Variants in PPP2R3A observed in about 807,000 individuals in gnomAD.
PPP2R3A encodes protein phosphatase 2 regulatory subunit B''alpha.
Under a neutral mutation model 106.9 loss-of-function variants are expected in PPP2R3A, and 80 were observed. That is an observed-to-expected ratio of 0.75 (90% CI 0.62 to 0.90). The LOEUF is 0.90. PPP2R3A is among the 40% of genes least tolerant of loss of function. PPP2R3A has a pLI of 0.00. For missense variants in PPP2R3A, 1,386 were observed against 1,350.4 expected (o/e 1.03, Z -0.41); for synonymous variants, 483 against 468.3 (o/e 1.03, Z -0.41).
intron 1 of PPP2R3A, among the ~76,000 whole-genome samples, chr3:135,998,550 C>T (rs1407729378): frequency 2.0e-5 from 3 of 152,072 alleles, no homozygotes; most frequent in African/African-American, 4.8e-5. Context: ...CTAGATTGGC[C>T]CTATGTATCT....
chr3:135,999,897 C>T (rs1032620854), intron 1 of PPP2R3A, among the ~76,000 whole-genome samples: 6 of 152,146 alleles, frequency 3.9e-5, no homozygotes, highest in African/African-American at 1.4e-4. Flanking sequence ...CCTCAGCCTC[C>T]CGAGTAGCTG....
rs145340622 is a variant in PPP2R3A at position 136,002,554 on chromosome 3, A to G, written c.1056A>G (p.Glu352=). Residue 352 remains glutamate, a synonymous_variant, in exon 2 of 14, where the codon GAA becomes GAG. Transcript: ENST00000264977. The stretch of plus-strand genomic sequence containing the variant: ...ACTCTGGACGATTTCAAACTATTGA[A>G]TTGCAAAATGACAAGCCTAATTCTA... The part of the protein sequence containing the change: ...ASDSGRFQTI[E]LQNDKPNSRK... 51 of 1,613,848 alleles carry G rather than the reference A, an allele frequency of 3.2e-5. No homozygotes were observed. Among genetic ancestry groups the G allele is most frequent in the Non-Finnish European group, 4.0e-5 (47 of 1,179,912 alleles).
intron 10 of PPP2R3A, among the ~76,000 whole-genome samples, chr3:136,100,914 G>A (rs568183581): frequency 1.3e-5 from 2 of 152,184 alleles, no homozygotes; most frequent in East Asian, 3.9e-4. Flanking sequence ...TTAGAGGGTA[G>A]AAAAAAGGCA....
chr3:136,052,152 G>A (rs2107867840), intron 5 of PPP2R3A, among the ~76,000 whole-genome samples: 1 of 152,194 alleles, frequency 6.6e-6, no homozygotes, highest in Non-Finnish European at 1.5e-5. Context: ...AAAACATTAG[G>A]TTTTATTACC....
chr3:136,102,870 A>G (rs1271013351), intron 11 of PPP2R3A, among the ~76,000 whole-genome samples: 3 of 151,948 alleles, frequency 2.0e-5, no homozygotes, highest in African/African-American at 7.2e-5. Context: ...ATGAAAGAAG[A>G]TTTTTCCTTA....
chr3:136,055,612 G>A (rs1170118581), intron 5 of PPP2R3A: 2 of 1,387,136 alleles, frequency 1.4e-6, no homozygotes, highest in Non-Finnish European at 2.0e-6. Context: ...GCCAACTGCT[G>A]TATTTAACAC....
chr3:136,061,642 C>T lies in PPP2R3A; in HGVS notation c.2470-8836C>T, dbSNP rs796423621. ...GACTTTCTCAAAAAGCAAGCGAGGC[C>T]GGGCACAGTGGCTCACGCCTGTAAT... On this transcript the variant is annotated intron_variant, in intron 5 of 13. Coordinates refer to ENST00000264977, the MANE Select transcript of PPP2R3A (RefSeq NM_002718.5). 6.4e-4 allele frequency among the ~76,000 whole-genome samples: 96 copies of T among 150,838 alleles called. 1 individual carries two copies. The highest frequency in any genetic ancestry group is 2.3e-3 in the African/African-American group (96 of 41,008).
At chr3:136,097,196 GAAAA>G (rs978564058) in intron 10 of PPP2R3A, among the ~76,000 whole-genome samples, 3 of 133,086 alleles carry the variant, frequency 2.3e-5, no homozygotes, top group East Asian at 2.1e-4. Flanking sequence ...CCTTTGGTAA[GAAAA>G]AAAAAAAAAG....
chr3:136,142,551 A>G (rs976177000), intron 13 of PPP2R3A, among the ~76,000 whole-genome samples: 3 of 152,200 alleles, frequency 2.0e-5, no homozygotes, highest in Non-Finnish European at 4.4e-5. Flanking sequence ...CAACATGCCC[A>G]AAATCACATT....
chr3:136,027,411 G>A (rs1168357741), intron 3 of PPP2R3A, among the ~76,000 whole-genome samples: 3 of 152,094 alleles, frequency 2.0e-5, no homozygotes, highest in African/African-American at 7.2e-5. Context: ...ATTTTTCCTT[G>A]TGCTGAATAG....
chr3:136,046,090 T>G (rs1170268829), intron 4 of PPP2R3A, among the ~76,000 whole-genome samples: 3 of 151,974 alleles, frequency 2.0e-5, no homozygotes, highest in African/African-American at 7.3e-5. Flanking sequence ...GGCAGGAGGA[T>G]CACTTGAGCC....
At chr3:136,052,196 A>G (rs1268991093) in intron 5 of PPP2R3A, among the ~76,000 whole-genome samples, 1 of 151,980 alleles carries the variant, frequency 6.6e-6, no homozygotes, top group Non-Finnish European at 1.5e-5. Flanking sequence ...CACTCTCTCA[A>G]TCCATTCTTG....
intron 1 of PPP2R3A, among the ~76,000 whole-genome samples, chr3:135,989,113 A>C (rs902914618): frequency 6.6e-6 from 1 of 152,044 alleles, no homozygotes; most frequent in East Asian, 1.9e-4. Flanking sequence ...TTTTTTGGAG[A>C]TCCAGTATCT....
intron 6 of PPP2R3A, among the ~76,000 whole-genome samples, chr3:136,077,176 G>T (rs1028456380): frequency 3.3e-5 from 5 of 152,122 alleles, no homozygotes; most frequent in African/African-American, 1.2e-4. Context: ...GCTCAATTCT[G>T]TAGGGTCAGA....
chr3:136,121,188 C>G (rs1367786217), intron 13 of PPP2R3A, among the ~76,000 whole-genome samples: 1 of 152,128 alleles, frequency 6.6e-6, no homozygotes, highest in Non-Finnish European at 1.5e-5. Flanking sequence ...AGATGCCTAT[C>G]AGTGGTGGAC....
intron 3 of PPP2R3A, among the ~76,000 whole-genome samples, chr3:136,040,191 T>C (rs759326872): frequency 2.0e-5 from 3 of 152,216 alleles, no homozygotes; most frequent in African/African-American, 4.8e-5. Flanking sequence ...GAAGGACATA[T>C]ATTACAACTG....
intron 1 of PPP2R3A, among the ~76,000 whole-genome samples, chr3:135,998,124 A>G (rs9873015): frequency 0.016 from 2,363 of 152,290 alleles, 31 homozygotes; most frequent in Middle Eastern, 0.037. Context: ...TACGCCCGCC[A>G]GTGAAACTGG....
In PPP2R3A at chr3:136,136,379, A is replaced by G. The variant is rs564431843; in HGVS notation, c.3330-8664A>G. On this transcript the variant is annotated intron_variant, in intron 13 of 13. Coordinates refer to ENST00000264977, the MANE Select transcript of PPP2R3A (RefSeq NM_002718.5). ...AACCTCTCTGAAGTAGAGTTTATTC[A>G]GCTGTAACATTAGCATTCTATCCCT... 9.2e-5 allele frequency among the ~76,000 whole-genome samples: 14 copies of G among 152,226 alleles called. No homozygotes were observed. The South Asian group carries it at 2.9e-3, about 32-fold the overall frequency.
At chr3:136,024,969 A>C (rs1405243030) in intron 2 of PPP2R3A, among the ~76,000 whole-genome samples, 1 of 152,186 alleles carries the variant, frequency 6.6e-6, no homozygotes, top group Non-Finnish European at 1.5e-5. Context: ...ATGGATTGTC[A>C]ATTTGTTAAC....
Sources: gnomAD v4.1 joint callset for allele counts (sites outside exome capture counted in the v4.1 genomes callset) on GRCh38, gnomAD v4.1.1 for gene constraint, MANE v1.5 for transcripts, NCBI Gene and HGNC (gene_info 2026-07-23, HGNC 2026-07-21) for gene names.